Variants in MIER1 observed in about 807,000 individuals in gnomAD.
The protein encoded by MIER1 is mesoderm induction early response protein 1.
A neutral mutation model predicts 75.7 loss-of-function variants in MIER1; 40 were observed. The observed-to-expected ratio is 0.53, with a 90% confidence interval of 0.41 to 0.69. The LOEUF is 0.69. Among genes scored for constraint, MIER1 ranks in the 30% least tolerant of loss-of-function variants. MIER1 has a pLI of 0.00. For missense variants in MIER1, 574 were observed against 680.2 expected, an observed-to-expected ratio of 0.84 and a Z score of 1.74; for synonymous variants, 213 against 223.4, an observed-to-expected ratio of 0.95 and a Z score of 0.42.
intron 5 of MIER1, 139 bp downstream of exon 5, chr1:66,958,359 C>T (rs1660586869): frequency 5.4e-6 from 3 of 560,268 alleles, no homozygotes; most frequent in South Asian, 1.0e-4. Flanking sequence ...TACAGAAATA[C>T]ATAATATAAA....
chr1:66,949,396 C>T (rs575647704), intron 4 of MIER1, among the ~76,000 whole-genome samples: 6 of 152,180 alleles, frequency 3.9e-5, no homozygotes, highest in Admixed American at 3.9e-4. Flanking sequence ...TTCCCCAGCC[C>T]CATATAGTGC....
chr1:66,984,777 T>A lies in MIER1; in HGVS notation c.1575T>A (p.Ser525Arg). 6.2e-7 allele frequency: 1 copy of A among 1,613,958 alleles called. No homozygotes were observed. The highest frequency in any genetic ancestry group is 8.5e-7 in the Non-Finnish European group (1 of 1,179,918). ...ATGAAAATGATTTTGATGAAAAAAG[T>A]GAGAGACCTGCCAAAAGGCGAAGGG... The part of the protein sequence containing the change: ...ARNENDFDEK[S>R]ERPAKRRRVN... The change falls in exon 14 of 14, where the codon AGT becomes AGA. Residue 525 changes from serine to arginine, a missense_variant. Around this residue, in one of 3 missense-constraint regions of MIER1, gnomAD observed 164 missense variants for 154.3 expected, o/e 1.06. Coordinates refer to ENST00000401041, the MANE Select transcript of MIER1 (RefSeq NM_001077700.3).
intron 8 of MIER1, among the ~76,000 whole-genome samples, chr1:66,964,424 C>T (rs1661920802): frequency 6.9e-6 from 1 of 145,502 alleles, no homozygotes; most frequent in Admixed American, 7.0e-5. Context: ...ATTTGAGTTC[C>T]AGAAAAAATG....
In MIER1 at chr1:66,987,990, T is replaced by C. The variant is rs1666998402; in HGVS notation, c.*3090T>C. ...CCCGTATTTTGTAGTGGAGTTCATATCACATTATGTTTTGCAAAATAAAAC... is the reference window on the plus strand; with the variant it reads ...CCCGTATTTTGTAGTGGAGTTCATACCACATTATGTTTTGCAAAATAAAAC... On this transcript the variant is annotated 3_prime_UTR_variant, in exon 14 of 14. Coordinates refer to ENST00000401041, the MANE Select transcript of MIER1 (RefSeq NM_001077700.3). 4.6e-5 allele frequency: 7 copies of C among 152,332 alleles called. No homozygotes were observed. The highest frequency in any genetic ancestry group is 4.6e-4 in the Admixed American group (7 of 15,284). 9.4% of individuals were successfully genotyped at this position (152,332 alleles called of 1,614,324 possible). A position where few individuals can be genotyped will look rare whatever the true frequency, so the allele number is the denominator to read the frequency against.
intron 3 of MIER1, among the ~76,000 whole-genome samples, chr1:66,944,593 A>G (rs576683081): frequency 5.9e-5 from 9 of 151,910 alleles, no homozygotes; most frequent in Admixed American, 1.3e-4. Context: ...AGACTAGATT[A>G]TTTTTAATGC....
At chr1:66,925,426 G>A (rs1402433792) in intron 1 of MIER1, 1 of 985,266 alleles carries the variant, frequency 1.0e-6, no homozygotes, top group African/African-American at 1.7e-5. Flanking sequence ...GATCCCAGTC[G>A]GGGTGGGGCT....
intron 7 of MIER1, 131 bp from the exon 8 acceptor site, chr1:66,962,957 G>T: frequency 1.7e-6 from 1 of 576,610 alleles, no homozygotes; most frequent in Admixed American, 3.1e-5. Flanking sequence ...TACCTCTGAG[G>T]TAGTTAATTG....
At chr1:66,957,242 T>C (rs1270618548) in intron 4 of MIER1, among the ~76,000 whole-genome samples, 4 of 152,226 alleles carry the variant, frequency 2.6e-5, no homozygotes, top group African/African-American at 9.6e-5. Context: ...CATTTCATTG[T>C]GTATGGACAT....
rs1345564737 is a variant in MIER1, at chr1:66,986,405, A to G, written c.*1505A>G. 1.2e-6 allele frequency: 2 copies of G among 1,612,912 alleles called. No individual in the cohort carries two copies. Among genetic ancestry groups the G allele is most frequent in the East Asian group, 2.2e-5 (1 of 44,806 alleles). ...TTATTCTTGTTTTTCTCACACAGGC[A>G]TACTCCAAATGCTTCTTCCAGTTCA... On this transcript the variant is annotated 3_prime_UTR_variant, in exon 14 of 14. Transcript: ENST00000401041.
chr1:66,975,731 C>T (rs1664577347), intron 11 of MIER1, among the ~76,000 whole-genome samples: 1 of 152,080 alleles, frequency 6.6e-6, no homozygotes, highest in Non-Finnish European at 1.5e-5. Flanking sequence ...CAAATAGGTA[C>T]AGCACAGTAA....
intron 1 of MIER1, chr1:66,925,579 G>C (rs1247957153): frequency 2.0e-6 from 2 of 982,392 alleles, no homozygotes; most frequent in Non-Finnish European, 2.4e-6. Context: ...GATGGAGTCA[G>C]GGAGGGAGGA....
In MIER1 at chr1:66,986,230, A is replaced by G; in HGVS notation, c.*1330A>G. ...CAAAGTGAAAATAAGATACACAATA[A>G]TCATTGCTCTGTGTGATTACAGATA... is the stretch of plus-strand genomic sequence containing the variant. On this transcript the variant is annotated 3_prime_UTR_variant, in exon 14 of 14. Transcript: ENST00000401041. 7.8e-7 allele frequency: 1 copy of G among 1,289,840 alleles called. No homozygotes were observed. The highest frequency in any genetic ancestry group is 9.8e-7 in the Non-Finnish European group (1 of 1,020,574). 79.9% of individuals were successfully genotyped at this position (1,289,840 alleles called of 1,614,324 possible).
chr1:66,986,282 A>G lies in MIER1; in HGVS notation c.*1382A>G, dbSNP rs1666769680. 2 of 1,456,722 alleles carry G rather than the reference A, an allele frequency of 1.4e-6. No homozygotes were observed. Among genetic ancestry groups the G allele is most frequent in the South Asian group, 1.5e-5 (1 of 66,828 alleles). 90.2% of individuals were successfully genotyped at this position (1,456,722 alleles called of 1,614,324 possible). A position where few individuals can be genotyped will look rare whatever the true frequency, so the allele number is the denominator to read the frequency against. ...GATTATCCATCTGCATAGCCTTGTA[A>G]AAGTGCCATTTTATTTTTAGTGCTA... On this transcript the variant is annotated 3_prime_UTR_variant, in exon 14 of 14. Coordinates refer to ENST00000401041, the MANE Select transcript of MIER1 (RefSeq NM_001077700.3).
At chr1:66,929,359 A>C (rs1308656705) in intron 2 of MIER1, among the ~76,000 whole-genome samples, 1 of 152,230 alleles carries the variant, frequency 6.6e-6, no homozygotes, top group African/African-American at 2.4e-5. Context: ...GTTTAGTAAA[A>C]TATGTTAGTG....
chr1:66,976,766 A>G, intron 12 of MIER1, 44 bp downstream of exon 12: 3 of 1,444,032 alleles, frequency 2.1e-6, no homozygotes, highest in Non-Finnish European at 2.8e-6. Context: ...CATTTTTGCT[A>G]AGCTTTTCTA....
rs1276733020 is a variant in MIER1, at chr1:66,970,979, G to A, written c.924+20G>A. On this transcript the variant is annotated intron_variant, in intron 9 of 13. Transcript: ENST00000401041. ...GAACAGGTCTGTGAAAGAAACAACT[G>A]TTAGAACTTTGCCATACACATTTAT... 1.9e-6 allele frequency: 3 copies of A among 1,560,550 alleles called. No individual in the cohort carries two copies. The highest frequency in any genetic ancestry group is 2.6e-6 in the Non-Finnish European group (3 of 1,163,576).
At position 66,987,966 on chromosome 1, in the gene MIER1, C is replaced by T. The variant is rs1039643565; in HGVS notation, c.*3066C>T. 1 of 152,140 alleles carries T rather than the reference C, an allele frequency of 6.6e-6. No individual in the cohort carries two copies. The highest frequency in any genetic ancestry group is 2.4e-5 in the African/African-American group (1 of 41,372). The allele number at this position is 152,140 out of a possible 1,614,324, so 9.4% of individuals were successfully genotyped here. On this transcript the variant is annotated 3_prime_UTR_variant, in exon 14 of 14. Transcript: ENST00000401041. ...TATATAATTTAAAAATAATGTGTTC[C>T]CGTATTTTGTAGTGGAGTTCATATC...
At chr1:66,959,810 T>TG in intron 7 of MIER1, 67 bp downstream of exon 7, 1 of 626,822 alleles carries the variant, frequency 1.6e-6, no homozygotes, top group Non-Finnish European at 2.3e-6. Flanking sequence ...CTCGTGTAAT[T>TG]ATTTTTTTTT....
chr1:66,927,553 T>A (rs1191796805), intron 2 of MIER1, among the ~76,000 whole-genome samples: 5 of 152,170 alleles, frequency 3.3e-5, no homozygotes, highest in African/African-American at 4.8e-5. Flanking sequence ...AAATAAATTT[T>A]TTTTTGTTAA....
Sources: allele counts gnomAD v4.1 joint callset (sites outside exome capture counted in the v4.1 genomes callset), GRCh38; gene constraint gnomAD v4.1.1; regional missense constraint gnomAD v4.1.1; transcripts MANE v1.5; gene names NCBI Gene and HGNC (gene_info 2026-07-23, HGNC 2026-07-21).